Variants in PKD2L1 observed in about 807,000 individuals in gnomAD.
The protein encoded by PKD2L1 is polycystin-2-like protein 1.
Under a neutral mutation model 93.0 loss-of-function variants are expected in PKD2L1, and 77 were observed. The ratio of observed to expected loss-of-function variants is 0.83; its 90% CI spans 0.69 to 1.00. The LOEUF (loss-of-function observed/expected upper bound fraction) is 1.00, where lower values mean the gene tolerates loss of function less well. Among genes scored for constraint, PKD2L1 ranks in the 50% least tolerant of loss-of-function variants. The pLI is 0.00. For missense variants in PKD2L1, 977 were observed against 990.9 expected (o/e 0.99, Z 0.19); for synonymous variants, 390 against 388.0 (o/e 1.01, Z -0.06).
At chr10:100,299,746 CTTCTCA>C (rs771381671) in intron 2 of PKD2L1, 28 bp from the exon 3 acceptor site, 208 of 1,609,934 alleles carry the variant, frequency 1.3e-4, no homozygotes, top group Non-Finnish European at 1.7e-4. Flanking sequence ...AGGCTATGTC[CTTCTCA>C]CTGTTCCCCC....
At position 100,290,144 on chromosome 10, in the gene PKD2L1, T is replaced by C. The variant is rs557522223; in HGVS notation, c.2127-6A>G. On this transcript the variant is annotated splice_polypyrimidine_tract_variant and splice_region_variant and intron_variant, in intron 13 of 15. Transcript: ENST00000318222. ...GCAGAACTCTCCTTGTGAGCCTGTG[T>C]GGGATTTGAGAGAGACGAATGGAGC... The C allele has an allele frequency of 2.5e-6, 4 of 1,613,956 alleles. No homozygotes were observed. The highest frequency in any genetic ancestry group is 2.7e-5 in the African/African-American group (2 of 74,998).
intron 2 of PKD2L1, among the ~76,000 whole-genome samples, chr10:100,320,958 C>G (rs533896707): frequency 6.6e-6 from 1 of 152,338 alleles, no homozygotes; most frequent in East Asian, 1.9e-4. Flanking sequence ...GAAAAAAAAG[C>G]TGCAGCTATA....
At chr10:100,325,648 G>C (rs1849362152) in intron 2 of PKD2L1, among the ~76,000 whole-genome samples, 1 of 152,186 alleles carries the variant, frequency 6.6e-6, no homozygotes, top group Non-Finnish European at 1.5e-5. Context: ...TCTTTATTAA[G>C]AGTGCAATTC....
chr10:100,310,226 C>T (rs959230792), intron 2 of PKD2L1, among the ~76,000 whole-genome samples: 15 of 151,932 alleles, frequency 9.9e-5, no homozygotes, highest in African/African-American at 3.1e-4. Flanking sequence ...CCCAGCTACT[C>T]GGGGAGGCTG....
In PKD2L1 at chr10:100,308,431, T is replaced by C. The variant is rs1848855724; in HGVS notation, c.350-8713A>G. Among the ~76,000 whole-genome samples the C allele has an allele frequency of 3.3e-5, 5 of 151,794 alleles. No homozygotes were observed. In the South Asian group the frequency reaches 1.0e-3, roughly 32 times the overall value. On this transcript the variant is annotated intron_variant, in intron 2 of 15. Coordinates refer to ENST00000318222, the MANE Select transcript of PKD2L1 (RefSeq NM_016112.3). ...CTCACTGCAACCTCTGCCTCCTAGGTTCAAGCAATTCTCCTGCTTCAGCCT... is the reference window on the plus strand; with the variant it reads ...CTCACTGCAACCTCTGCCTCCTAGGCTCAAGCAATTCTCCTGCTTCAGCCT...
At chr10:100,294,427 C>T in intron 9 of PKD2L1, 108 bp downstream of exon 9, 1 of 1,213,072 alleles carries the variant, frequency 8.2e-7, no homozygotes, top group Non-Finnish European at 1.2e-6. Context: ...CCCACTCACT[C>T]TCCATCCTTG....
At chr10:100,288,687 TTTAA>T (rs991291263) in intron 15 of PKD2L1, among the ~76,000 whole-genome samples, 3 of 152,148 alleles carry the variant, frequency 2.0e-5, no homozygotes, top group Non-Finnish European at 4.4e-5. Flanking sequence ...CTTTTTTTTT[TTTAA>T]TTAACACACA....
At chr10:100,298,900 C>G in intron 3 of PKD2L1, 85 bp from the exon 4 acceptor site, 1 of 1,263,896 alleles carries the variant, frequency 7.9e-7, no homozygotes, top group Non-Finnish European at 1.1e-6. Flanking sequence ...TCCTCTGACT[C>G]CCCAGCTTGT....
At chr10:100,301,076 G>T (rs1008723295) in intron 2 of PKD2L1, among the ~76,000 whole-genome samples, 2 of 152,182 alleles carry the variant, frequency 1.3e-5, no homozygotes, top group African/African-American at 4.8e-5. Flanking sequence ...CAGGTTCCAT[G>T]ATGCCCCCTG....
rs748526267 is a variant in PKD2L1 at position 100,298,731 on chromosome 10, T to C, written c.562A>G (p.Ile188Val). The part of the protein sequence containing the change: ...QSLGHGSHSF[I>V]YYENMLLGVP... ...CCCAGCAGCATGTTCTCATAGTAGATGAAGGAGTGGGAGCCATGGCCCAGG... is the reference window on the plus strand; with the variant it reads ...CCCAGCAGCATGTTCTCATAGTAGACGAAGGAGTGGGAGCCATGGCCCAGG... Residue 188 changes from isoleucine (I) to valine (V), a missense_variant, in exon 4 of 16, where the codon ATC becomes GTC. Physicochemically the swap from Ile to Val is conservative, Grantham distance 29 (BLOSUM62 3). Transcript: ENST00000318222. 9 of 1,613,914 alleles carry C rather than the reference T, an allele frequency of 5.6e-6. No homozygotes were observed. In the East Asian group the frequency reaches 2.0e-4, roughly 36 times the overall value.
At chr10:100,294,395 A>T in intron 9 of PKD2L1, 140 bp downstream of exon 9, 1 of 874,512 alleles carries the variant, frequency 1.1e-6, no homozygotes, top group Non-Finnish European at 1.8e-6. Context: ...ACCATCTCTC[A>T]GAAGATCCAG....
intron 2 of PKD2L1, among the ~76,000 whole-genome samples, chr10:100,316,957 A>G (rs1589678771): frequency 6.6e-6 from 1 of 152,028 alleles, no homozygotes; most frequent in Admixed American, 6.6e-5. Context: ...GTGTGGTGGC[A>G]CCTGCCTGTA....
At chr10:100,307,524 G>A (rs1848832076) in intron 2 of PKD2L1, among the ~76,000 whole-genome samples, 1 of 152,166 alleles carries the variant, frequency 6.6e-6, no homozygotes, top group Non-Finnish European at 1.5e-5. Flanking sequence ...GCCAGGCTTG[G>A]TGGTGGGCAC....
intron 2 of PKD2L1, among the ~76,000 whole-genome samples, chr10:100,318,155 G>A (rs1035826961): frequency 2.0e-5 from 3 of 151,792 alleles, no homozygotes; most frequent in African/African-American, 7.3e-5. Context: ...TGCCCAGTCT[G>A]GAGGTTCTGT....
At chr10:100,290,594 C>G in intron 12 of PKD2L1, 75 bp from the exon 13 acceptor site, 1 of 867,578 alleles carries the variant, frequency 1.2e-6, no homozygotes, top group Non-Finnish European at 1.9e-6. Context: ...ATCACCTACT[C>G]TACTGGGATC....
chr10:100,288,350 C>T lies in PKD2L1; in HGVS notation c.*46G>A. ...GGTTCAGTGGACCAGGAGGCAGCCT[C>T]TTGCAGAAGATCCTTCATAGACTTT... On this transcript the variant is annotated 3_prime_UTR_variant, in exon 16 of 16. Transcript: ENST00000318222. 1 of 1,268,132 alleles carries T rather than the reference C, an allele frequency of 7.9e-7. No individual in the cohort carries two copies. The highest frequency in any genetic ancestry group is 1.2e-6 in the Non-Finnish European group (1 of 864,784). 78.6% of individuals were successfully genotyped at this position (1,268,132 alleles called of 1,614,324 possible).
chr10:100,289,645 G>C (rs998140891), intron 14 of PKD2L1, among the ~76,000 whole-genome samples: 1 of 152,200 alleles, frequency 6.6e-6, no homozygotes, highest in Non-Finnish European at 1.5e-5. Context: ...CTATGAATCA[G>C]GAAGTGGGCC....
At chr10:100,323,974 C>T (rs1849321419) in intron 2 of PKD2L1, among the ~76,000 whole-genome samples, 2 of 152,190 alleles carry the variant, frequency 1.3e-5, no homozygotes, top group African/African-American at 2.4e-5. Flanking sequence ...ATTACAGGTG[C>T]CCGCCATCAC....
At chr10:100,292,645 G>T (rs1391295827) in intron 11 of PKD2L1, among the ~76,000 whole-genome samples, 1 of 152,190 alleles carries the variant, frequency 6.6e-6, no homozygotes, top group Non-Finnish European at 1.5e-5. Flanking sequence ...GGGAAGCATA[G>T]AACAAAAATC....
Sources: allele counts gnomAD v4.1 joint callset (sites outside exome capture counted in the v4.1 genomes callset), GRCh38; gene constraint gnomAD v4.1.1; transcripts MANE v1.5; gene names NCBI Gene and HGNC (gene_info 2026-07-23, HGNC 2026-07-21).